The following SH3GL3 variants were observed in gnomAD, a reference collection of about 807,000 sequenced individuals.
SH3GL3 encodes SH3 domain containing GRB2 like 3, endophilin A3, also known as endophilin-A3.
Under a neutral mutation model 47.7 loss-of-function variants are expected in SH3GL3, and 33 were observed. The ratio of observed to expected loss-of-function variants is 0.69; its 90% CI spans 0.52 to 0.92. The LOEUF is 0.92. SH3GL3 is among the 40% of genes least tolerant of loss of function. The pLI, the probability that SH3GL3 is intolerant of heterozygous loss-of-function variation, is 0.00. For missense variants in SH3GL3, 363 were observed against 417.8 expected (o/e 0.87, Z 1.14); for synonymous variants, 155 against 148.8 (o/e 1.04, Z -0.30).
intron 1 of SH3GL3, among the ~76,000 whole-genome samples, chr15:83,511,329 C>T (rs2042738000): frequency 6.6e-6 from 1 of 152,086 alleles, no homozygotes; most frequent in Non-Finnish European, 1.5e-5. Context: ...AGTCACAGAA[C>T]CCTCCAGCTC....
chr15:83,554,265 G>A (rs765049892), intron 1 of SH3GL3, among the ~76,000 whole-genome samples: 27 of 151,988 alleles, frequency 1.8e-4, no homozygotes, highest in Non-Finnish European at 2.8e-4. Flanking sequence ...CCGGCTCACC[G>A]CAATGTCTAC....
At chr15:83,468,727 C>G (rs2040693723) in intron 1 of SH3GL3, among the ~76,000 whole-genome samples, 1 of 151,210 alleles carries the variant, frequency 6.6e-6, no homozygotes, top group South Asian at 2.1e-4. Flanking sequence ...AGATACTGAT[C>G]AATTCTGTTT....
intron 8 of SH3GL3, among the ~76,000 whole-genome samples, chr15:83,596,271 A>C (rs1254711772): frequency 1.3e-5 from 2 of 152,160 alleles, no homozygotes; most frequent in South Asian, 2.1e-4. Flanking sequence ...AATTTTTTGA[A>C]GCTTGCTTGA....
chr15:83,517,574 G>C (rs986519718), intron 1 of SH3GL3, among the ~76,000 whole-genome samples: 3 of 151,864 alleles, frequency 2.0e-5, no homozygotes, highest in Non-Finnish European at 4.4e-5. Context: ...TATATTTATT[G>C]GTCATTTGGA....
chr15:83,566,397 T>C (rs890941409), intron 3 of SH3GL3, among the ~76,000 whole-genome samples: 4 of 150,884 alleles, frequency 2.7e-5, no homozygotes, highest in Non-Finnish European at 5.9e-5. Context: ...TGTGTGTGTG[T>C]GTGTGTGTGT....
At position 83,506,570 on chromosome 15, in the gene SH3GL3, A is replaced by C. The variant is rs142984177; in HGVS notation, c.46-52683A>C. The stretch of plus-strand genomic sequence containing the variant: ...CATTTTTGTTTTCTAGATGAGCTTT[A>C]GGATCCCTTTAATATTAACATAATT... On this transcript the variant is annotated intron_variant, in intron 1 of 8. Transcript: ENST00000427482. Among the ~76,000 whole-genome samples the C allele has an allele frequency of 2.1e-3, 317 of 152,236 alleles. 2 individuals are homozygous for C. The highest frequency in any genetic ancestry group is 7.5e-3 in the African/African-American group (310 of 41,530).
At chr15:83,572,522 A>G (rs776908566) in intron 4 of SH3GL3, 43 bp from the exon 5 acceptor site, 2 of 1,554,552 alleles carry the variant, frequency 1.3e-6, no homozygotes, top group South Asian at 1.2e-5. Context: ...AACCTGGAGT[A>G]GTGTTCCCAA....
intron 1 of SH3GL3, among the ~76,000 whole-genome samples, chr15:83,474,958 A>T (rs1371739900): frequency 6.6e-6 from 1 of 151,906 alleles, no homozygotes; most frequent in Non-Finnish European, 1.5e-5. Context: ...AATGAGGTGG[A>T]GGGAGTGCTT....
chr15:83,508,096 C>T (rs1011860263), intron 1 of SH3GL3, among the ~76,000 whole-genome samples: 1 of 151,970 alleles, frequency 6.6e-6, no homozygotes, highest in Non-Finnish European at 1.5e-5. Context: ...TGCGCACCAC[C>T]ACGCCCAGCT....
Position 83,586,964 on chromosome 15 carries a change from T to G in SH3GL3, c.625-19T>G, listed in dbSNP as rs1345009916. The G allele has an allele frequency of 1.4e-6, 2 of 1,476,260 alleles. No individual in the cohort carries two copies. The highest frequency in any genetic ancestry group is 2.4e-5 in the South Asian group (2 of 84,626). 91.4% of individuals were successfully genotyped at this position (1,476,260 alleles called of 1,614,324 possible). A position where few individuals can be genotyped will look rare whatever the true frequency, so the allele number is the denominator to read the frequency against. On this transcript the variant is annotated intron_variant, in intron 6 of 8. Transcript: ENST00000427482. ...ACAGGCTCGGGCCTCCATGGAATAA[T>G]TTTGCACTTCTGCTGCAGGTAGAAC...
intron 1 of SH3GL3, among the ~76,000 whole-genome samples, chr15:83,542,514 A>G (rs141810627): frequency 6.6e-6 from 1 of 152,142 alleles, no homozygotes; most frequent in Non-Finnish European, 1.5e-5. Flanking sequence ...GAAGAATGTC[A>G]TTGGTAGTTT....
At chr15:83,596,544 G>A (rs2060241806) in intron 8 of SH3GL3, among the ~76,000 whole-genome samples, 1 of 152,172 alleles carries the variant, frequency 6.6e-6, no homozygotes, top group South Asian at 2.1e-4. Flanking sequence ...ATGGGAAGTT[G>A]GCTACATTCC....
At chr15:83,558,720 G>A (rs544681174) in intron 1 of SH3GL3, among the ~76,000 whole-genome samples, 23 of 151,960 alleles carry the variant, frequency 1.5e-4, no homozygotes, top group Non-Finnish European at 2.6e-4. Flanking sequence ...CTTCAGTGCC[G>A]CCCGATGAAA....
intron 1 of SH3GL3, among the ~76,000 whole-genome samples, chr15:83,521,694 GCA>G (rs1183544043): frequency 1.3e-5 from 2 of 152,140 alleles, no homozygotes; most frequent in African/African-American, 4.8e-5. Context: ...CAAATAACCA[GCA>G]CAGAGTCTAA....
chr15:83,520,977 C>G (rs1033445547), intron 1 of SH3GL3, among the ~76,000 whole-genome samples: 9 of 152,156 alleles, frequency 5.9e-5, no homozygotes, highest in Non-Finnish European at 1.3e-4. Flanking sequence ...TTCTCTTAAC[C>G]TGTTAAATAC....
intron 1 of SH3GL3, among the ~76,000 whole-genome samples, chr15:83,457,049 G>A (rs974663800): frequency 1.3e-5 from 2 of 152,182 alleles, no homozygotes. Context: ...ACCACTCACT[G>A]ATTTGTATTT....
At chr15:83,498,205 C>G (rs769746358) in intron 1 of SH3GL3, among the ~76,000 whole-genome samples, 4 of 152,158 alleles carry the variant, frequency 2.6e-5, no homozygotes, top group Non-Finnish European at 4.4e-5. Flanking sequence ...TTAAGTCCAT[C>G]CAAACATTTT....
At chr15:83,464,075 T>C (rs1253061868) in intron 1 of SH3GL3, among the ~76,000 whole-genome samples, 2 of 152,132 alleles carry the variant, frequency 1.3e-5, no homozygotes, top group Non-Finnish European at 2.9e-5. Flanking sequence ...TGCTTTCTTA[T>C]CTATTGTCTT....
chr15:83,448,124 C>T lies in SH3GL3; in HGVS notation c.45+546C>T, dbSNP rs1022092061. Among the ~76,000 whole-genome samples, 1 of 152,184 alleles carries T rather than the reference C, an allele frequency of 6.6e-6. No homozygotes were observed. The highest frequency in any genetic ancestry group is 1.5e-5 in the Non-Finnish European group (1 of 68,038). ...TGCCCGGCTCCCCGGCTGGGGCTCT[C>T]TACCGCGGTCCTTCCCCTCCCCACC... On this transcript the variant is annotated intron_variant, in intron 1 of 8. Transcript: ENST00000427482. This position sits in a 1 kb window ranked among gnomAD's most constrained non-coding sequence, Gnocchi z 4.2.
Sources: gnomAD v4.1 joint callset for allele counts (sites outside exome capture counted in the v4.1 genomes callset) on GRCh38, gnomAD v4.1.1 for gene constraint, Gnocchi (gnomAD v3.1) non-coding constraint, MANE v1.5 for transcripts, NCBI Gene and HGNC (gene_info 2026-07-23, HGNC 2026-07-21) for gene names.